The following PCDHGA6 variants were observed in gnomAD, a reference collection of about 807,000 sequenced individuals.
The protein encoded by PCDHGA6 is protocadherin gamma-A6.
In PCDHGA6, 41 loss-of-function variants were observed where a neutral mutation model predicts 60.6. The ratio of observed to expected loss-of-function variants is 0.68; its 90% confidence interval spans 0.53 to 0.88. The LOEUF is 0.88. PCDHGA6 is among the 40% of genes least tolerant of loss of function. The pLI, the probability that PCDHGA6 is intolerant of heterozygous loss-of-function variation, is 0.00. For synonymous variants in PCDHGA6, 594 were observed against 524.4 expected (o/e 1.13, Z -1.81); for missense variants, 1,312 against 1,203.0 (o/e 1.09, Z -1.34).
rs147534370 is a variant in PCDHGA6 at position 141,511,170 on chromosome 5, G to A, written c.2796G>A (p.Lys932=). ...AGAAGTCGGGCAAGAAGGAGAAGAA[G>A]TAACATGGAGGCCAGGCCAAGAGCC... ...NKKKSGKKEK[K] The change falls in exon 4 of 4, where the codon AAG becomes AAA. Residue 932 remains lysine (K), a synonymous_variant. Coordinates refer to ENST00000517434, the MANE Select transcript of PCDHGA6 (RefSeq NM_018919.3). 1.9e-6 allele frequency: 3 copies of A among 1,613,988 alleles called. No homozygotes were observed. The highest frequency in any genetic ancestry group is 2.5e-6 in the Non-Finnish European group (3 of 1,179,990).
chr5:141,405,229 C>T, intron 1 of PCDHGA6: 1 of 1,614,144 alleles, frequency 6.2e-7, no homozygotes, highest in Non-Finnish European at 8.5e-7. Context: ...AGTTCTCCCT[C>T]ACCGCTGACT....
intron 1 of PCDHGA6, among the ~76,000 whole-genome samples, chr5:141,442,612 A>C (rs1180568407): frequency 6.6e-6 from 1 of 152,212 alleles, no homozygotes; most frequent in Non-Finnish European, 1.5e-5. Flanking sequence ...ATCTCAGTAA[A>C]AAGCATTTCT....
chr5:141,423,544 C>G, intron 1 of PCDHGA6: 1 of 1,613,744 alleles, frequency 6.2e-7, no homozygotes, highest in African/African-American at 1.3e-5. Flanking sequence ...GATTTTCCCC[C>G]AGCCCAACTA....
intron 1 of PCDHGA6, among the ~76,000 whole-genome samples, chr5:141,434,285 T>G (rs1358981946): frequency 6.6e-6 from 1 of 152,232 alleles, no homozygotes; most frequent in Non-Finnish European, 1.5e-5. Context: ...GTATTCTCTG[T>G]TTTTCCTGTA....
intron 1 of PCDHGA6, chr5:141,471,430 G>A (rs2099257545): frequency 6.6e-6 from 1 of 152,140 alleles, no homozygotes; most frequent in South Asian, 2.1e-4. Flanking sequence ...CAAGGAAAGT[G>A]TATAATCTCA....
In PCDHGA6 at chr5:141,384,503, A is replaced by T. The variant is rs761415530; in HGVS notation, c.2424+7996A>T. On this transcript the variant is annotated intron_variant, in intron 1 of 3. Coordinates refer to ENST00000517434, the MANE Select transcript of PCDHGA6 (RefSeq NM_018919.3). ...GAACTACAACTAAGAGTGACTGCACATGACAGCGGGGACCCGCCTCTCAGC... is the reference window on the plus strand; with the variant it reads ...GAACTACAACTAAGAGTGACTGCACTTGACAGCGGGGACCCGCCTCTCAGC... 155 of 1,614,074 alleles carry T rather than the reference A, an allele frequency of 9.6e-5. No individual in the cohort carries two copies. Among genetic ancestry groups the T allele is most frequent in the Non-Finnish European group, 1.3e-4 (153 of 1,180,026 alleles).
At chr5:141,380,270 A>G (rs1427444022) in intron 1 of PCDHGA6, among the ~76,000 whole-genome samples, 1 of 152,226 alleles carries the variant, frequency 6.6e-6, no homozygotes, top group Non-Finnish European at 1.5e-5. Flanking sequence ...GTAAAATCTC[A>G]GAGGAGAAAC....
At chr5:141,449,407 G>A (rs1367837385) in intron 1 of PCDHGA6, among the ~76,000 whole-genome samples, 2 of 151,754 alleles carry the variant, frequency 1.3e-5, no homozygotes, top group Non-Finnish European at 2.9e-5. Flanking sequence ...AGGAGTTCAA[G>A]ACCAGCCTGG....
intron 1 of PCDHGA6, chr5:141,393,706 C>T: frequency 1.2e-6 from 2 of 1,613,798 alleles, no homozygotes; most frequent in African/African-American, 1.3e-5. Flanking sequence ...AATGAAAATA[C>T]TGGGGAAATA....
In PCDHGA6 at chr5:141,476,656, T is replaced by A. The variant is rs190269177; in HGVS notation, c.2425-18151T>A. 6.2e-7 allele frequency: 1 copy of A among 1,614,210 alleles called. No individual in the cohort carries two copies. The highest frequency in any genetic ancestry group is 1.3e-5 in the African/African-American group (1 of 75,064). ...ATGAGCTGAGCCGAAATGAATACTTTGCGCTTCGCGTGCAGACGCGGGAGG... is the reference window on the plus strand; with the variant it reads ...ATGAGCTGAGCCGAAATGAATACTTAGCGCTTCGCGTGCAGACGCGGGAGG... On this transcript the variant is annotated intron_variant, in intron 1 of 3. Coordinates refer to ENST00000517434, the MANE Select transcript of PCDHGA6 (RefSeq NM_018919.3). This position sits in a 1 kb window ranked among gnomAD's most constrained non-coding sequence, Gnocchi z 7.6.
intron 2 of PCDHGA6, among the ~76,000 whole-genome samples, chr5:141,496,121 C>A (rs1391009290): frequency 6.6e-6 from 1 of 152,088 alleles, no homozygotes; most frequent in Non-Finnish European, 1.5e-5. Flanking sequence ...TCCTTCCCTG[C>A]CCCTCACACA....
At chr5:141,404,782 G>A in intron 1 of PCDHGA6, 1 of 1,613,964 alleles carries the variant, frequency 6.2e-7, no homozygotes. Context: ...GCCTATTCAA[G>A]GCCAGTGAGC....
rs188953728 is a variant in PCDHGA6, at chr5:141,448,550, T to A, written c.2425-46257T>A. Among the ~76,000 whole-genome samples, 304 of 152,316 alleles carry A rather than the reference T, an allele frequency of 2.0e-3. 1 individual carries two copies. Among genetic ancestry groups the A allele is most frequent in the African/African-American group, 6.6e-3 (275 of 41,578 alleles). On this transcript the variant is annotated intron_variant, in intron 1 of 3. Transcript: ENST00000517434. ...CCTGTCAGCATTTCTTATGCAAATA[T>A]GTACATATATTTTTATTTCCCCATT...
Position 141,487,642 on chromosome 5 carries a change from G to A in PCDHGA6, c.2425-7165G>A, listed in dbSNP as rs747328649. 1.2e-6 allele frequency: 2 copies of A among 1,614,130 alleles called. No individual in the cohort carries two copies. The highest frequency in any genetic ancestry group is 1.3e-5 in the African/African-American group (1 of 75,062). On this transcript the variant is annotated intron_variant, in intron 1 of 3. Transcript: ENST00000517434. This position sits in a 1 kb window ranked among gnomAD's most constrained non-coding sequence, Gnocchi z 5.0. ...TGAGACCTTTGCAGGCTCAACAAAT[G>A]CTTGAGGGTTATTCTGATCCAGGCA...
intron 1 of PCDHGA6, among the ~76,000 whole-genome samples, chr5:141,492,336 A>G (rs1353947767): frequency 1.3e-5 from 2 of 152,072 alleles, no homozygotes; most frequent in East Asian, 3.9e-4. Context: ...TTACGCGAAT[A>G]CCAGCTTTCA....
intron 1 of PCDHGA6, chr5:141,402,983 G>A (rs748129276): frequency 6.2e-6 from 10 of 1,609,166 alleles, no homozygotes; most frequent in African/African-American, 1.3e-5. Flanking sequence ...CCAGCTCCGC[G>A]GAAGATTAGT....
chr5:141,497,689 A>G (rs951295378), intron 2 of PCDHGA6, among the ~76,000 whole-genome samples: 1 of 151,958 alleles, frequency 6.6e-6, no homozygotes, highest in African/African-American at 2.4e-5. Flanking sequence ...GCAGGTGTGC[A>G]CCACCACACC....
At chr5:141,419,422 C>T (rs374564347) in intron 1 of PCDHGA6, 9 of 1,613,378 alleles carry the variant, frequency 5.6e-6, no homozygotes, top group Non-Finnish European at 7.6e-6. Flanking sequence ...GCGCCTTCGA[C>T]CACGAGCAGC....
At chr5:141,410,480 G>A in intron 1 of PCDHGA6, 1 of 1,613,966 alleles carries the variant, frequency 6.2e-7, no homozygotes, top group Non-Finnish European at 8.5e-7. Context: ...TGCACATACG[G>A]GTACAAAAGA....
Sources: gnomAD v4.1 joint callset for allele counts (sites outside exome capture counted in the v4.1 genomes callset) on GRCh38, gnomAD v4.1.1 for gene constraint, Gnocchi (gnomAD v3.1) non-coding constraint, MANE v1.5 for transcripts, NCBI Gene and HGNC (gene_info 2026-07-23, HGNC 2026-07-21) for gene names.